The following TMEM255A variants were observed in gnomAD, a reference collection of about 807,000 sequenced individuals.
TMEM255A encodes transmembrane protein 255A, also known as family with sequence similarity 70, member A.
Under a neutral mutation model 23.5 loss-of-function variants are expected in TMEM255A, and 14 were observed. The ratio of observed to expected loss-of-function variants is 0.60; its 90% CI spans 0.39 to 0.93. TMEM255A has a LOEUF of 0.93. Ranked by LOEUF, TMEM255A falls within the 40% of genes least tolerant of loss-of-function variation. The pLI is 0.00. For synonymous variants in TMEM255A, 104 were observed against 100.3 expected (o/e 1.04, Z -0.22); for missense variants, 233 against 261.7 (o/e 0.89, Z 0.76).
At chrX:120,295,375 T>C (rs942537207) in intron 2 of TMEM255A, among the ~76,000 whole-genome samples, 3 of 110,483 alleles carry the variant, frequency 2.7e-5, no homozygotes, top group Admixed American at 9.7e-5. Context: ...AGGAGCTTGG[T>C]AGGGCAGTGT....
chrX:120,274,978 A>G (rs1477097516), intron 7 of TMEM255A, among the ~76,000 whole-genome samples: 1 of 111,783 alleles, frequency 8.9e-6, no homozygotes, highest in East Asian at 2.8e-4. Flanking sequence ...CCATCTCCTC[A>G]ACTCGCCAAA....
intron 7 of TMEM255A, among the ~76,000 whole-genome samples, chrX:120,276,134 C>T (rs1282393113): frequency 9.0e-6 from 1 of 110,550 alleles, no homozygotes; most frequent in East Asian, 2.8e-4. Context: ...AACCATAACT[C>T]AAAGCTATTA....
At chrX:120,263,853 G>GC (rs1275692380) in intron 8 of TMEM255A, among the ~76,000 whole-genome samples, 40 of 111,340 alleles carry the variant, frequency 3.6e-4, no homozygotes, top group African/African-American at 1.2e-3. Flanking sequence ...AGCAACAACA[G>GC]CCTTCTAAGG....
chrX:120,266,139 G>A (rs1176662100), intron 8 of TMEM255A, among the ~76,000 whole-genome samples: 1 of 104,456 alleles, frequency 9.6e-6, no homozygotes, highest in Non-Finnish European at 2.0e-5. Context: ...GAGCGACAGG[G>A]CAAGACTCTG....
intron 1 of TMEM255A, among the ~76,000 whole-genome samples, chrX:120,307,135 A>G (rs1191468424): frequency 2.7e-5 from 3 of 110,611 alleles, no homozygotes; most frequent in African/African-American, 9.9e-5. Context: ...TTTTAAGAAA[A>G]CCCCCTCCCA....
At chrX:120,269,091 G>T (rs1471979822) in intron 7 of TMEM255A, among the ~76,000 whole-genome samples, 1 of 106,542 alleles carries the variant, frequency 9.4e-6, no homozygotes, top group Non-Finnish European at 1.9e-5. Context: ...GTGCACAGAA[G>T]CCATGAAAGA....
At chrX:120,264,912 T>G (rs1446688617) in intron 8 of TMEM255A, among the ~76,000 whole-genome samples, 2 of 106,978 alleles carry the variant, frequency 1.9e-5, no homozygotes, top group Non-Finnish European at 3.9e-5. Context: ...CGCTTCTCTC[T>G]TGTTGCCCAG....
At chrX:120,254,631 T>C (rs1163497070), downstream of TMEM255A, 1 of 1,210,215 alleles carries the variant, frequency 8.3e-7, no homozygotes, top group Non-Finnish European at 1.1e-6. Context: ...AGGCGTAGGA[T>C]CAAAACATCT....
chrX:120,275,792 T>G (rs1556019651), intron 7 of TMEM255A, among the ~76,000 whole-genome samples: 1 of 91,753 alleles, frequency 1.1e-5, no homozygotes, highest in African/African-American at 4.0e-5. Flanking sequence ...GCATTTTTTT[T>G]TTTTTTTTTT....
intron 1 of TMEM255A, among the ~76,000 whole-genome samples, chrX:120,310,664 A>C (rs2058093201): frequency 1.0e-5 from 1 of 99,385 alleles, no homozygotes; most frequent in Admixed American, 1.1e-4. Context: ...ATTCCTCAGG[A>C]ATTCCCCTCC....
intron 6 of TMEM255A, 134 bp downstream of exon 6, chrX:120,284,993 G>C (rs1418484213): frequency 6.9e-6 from 4 of 579,214 alleles, no homozygotes; most frequent in Non-Finnish European, 1.2e-5. Context: ...AGTAATGTCT[G>C]TTAGCCAAAA....
At chrX:120,310,552 TCACACTCATG>T (rs1296541599) in intron 1 of TMEM255A, among the ~76,000 whole-genome samples, 1 of 112,079 alleles carries the variant, frequency 8.9e-6, no homozygotes, top group Non-Finnish European at 1.9e-5. Context: ...GACTCCCTTT[TCACACTCATG>T]CACATTCCGT....
At chrX:120,300,419 G>C (rs1424302990) in intron 2 of TMEM255A, among the ~76,000 whole-genome samples, 1 of 110,613 alleles carries the variant, frequency 9.0e-6, no homozygotes, top group African/African-American at 3.3e-5. Context: ...ACAGGACCTC[G>C]ATCTGTCACC....
Position 120,304,469 on chromosome X carries a change from T to G in TMEM255A, c.81A>C (p.Arg27=), listed in dbSNP as rs1385843208. ...AAGTCACGGTGACATAGATGGAGTT[T>G]CGTTTCCTCCGATTGAATGCTCCTG... ...DSMGAFNRRK[R]NSIYVTVTLL... is the part of the protein sequence containing the mutation. The change falls in exon 2 of 9, where the codon CGA becomes CGC. Residue 27 remains arginine (R), a synonymous_variant. Coordinates refer to ENST00000371369, the MANE Select transcript of TMEM255A (RefSeq NM_001104544.3). 1.7e-6 allele frequency: 2 copies of G among 1,208,477 alleles called. No homozygotes were observed. Among genetic ancestry groups the G allele is most frequent in the African/African-American group, 3.5e-5 (2 of 56,973 alleles).
intron 5 of TMEM255A, chrX:120,285,498 G>A (rs980217808): frequency 1.9e-5 from 18 of 927,200 alleles, no homozygotes; most frequent in Middle Eastern, 3.6e-4. Flanking sequence ...AAGGACAGAC[G>A]GAAGAACAAA....
intron 2 of TMEM255A, among the ~76,000 whole-genome samples, chrX:120,298,963 A>G (rs1013364452): frequency 1.8e-5 from 2 of 111,141 alleles, no homozygotes; most frequent in Admixed American, 1.9e-4. Context: ...CAAGGCAGAA[A>G]AGCCCAAGTC....
rs574866470 is a variant in TMEM255A, at chrX:120,270,175, G to C, written c.676-1788C>G. On this transcript the variant is annotated intron_variant, in intron 7 of 8. Coordinates refer to ENST00000371369, the MANE Select transcript of TMEM255A (RefSeq NM_001104544.3). ...GGGGAATGGAGTGAAGACTTAGTCA[G>C]GGATGGGGCAAAAGAGATGGGCCAA... is the stretch of plus-strand genomic sequence containing the variant. Among the ~76,000 whole-genome samples the C allele has an allele frequency of 2.2e-4, 24 of 111,450 alleles. No homozygotes were observed. In the South Asian group the frequency reaches 9.2e-3, roughly 43 times the overall value.
rs782013336 is a variant in TMEM255A at position 120,279,485 on chromosome X, G to A, written c.513-2438C>T. The stretch of plus-strand genomic sequence containing the variant: ...CTGTACAAGGACTATTCTCTGAAAA[G>A]GACAGACCTGTGTGTATGGGTGAGT... On this transcript the variant is annotated intron_variant, in intron 6 of 8. Transcript: ENST00000371369. 4.4e-5 allele frequency among the ~76,000 whole-genome samples: 5 copies of A among 112,387 alleles called. No homozygotes were observed. In the East Asian group the frequency reaches 1.1e-3, roughly 25 times the overall value.
chrX:120,283,107 A>T (rs1241812512), intron 6 of TMEM255A, among the ~76,000 whole-genome samples: 1 of 110,992 alleles, frequency 9.0e-6, no homozygotes, highest in African/African-American at 3.3e-5. Flanking sequence ...GAAAGATAGT[A>T]AAATAACCCC....
Sources: allele counts gnomAD v4.1 joint callset (sites outside exome capture counted in the v4.1 genomes callset), GRCh38; gene constraint gnomAD v4.1.1; transcripts MANE v1.5; gene names NCBI Gene and HGNC (gene_info 2026-07-23, HGNC 2026-07-21).